Variants in NPAS3 observed in about 807,000 individuals in gnomAD.
NPAS3 encodes the protein neuronal PAS domain protein 3, also known as neuronal PAS domain-containing protein 3.
Under a neutral mutation model 73.1 loss-of-function variants are expected in NPAS3, and 14 were observed. The ratio of observed to expected loss-of-function variants is 0.19; its 90% CI spans 0.13 to 0.30. NPAS3 has a LOEUF of 0.30. Ranked by LOEUF, NPAS3 falls within the 10% of genes least tolerant of loss-of-function variation. The pLI, the probability that NPAS3 is intolerant of heterozygous loss-of-function variation, is 1.00. For synonymous variants in NPAS3, 620 were observed against 541.5 expected, an observed-to-expected ratio of 1.14 and a Z score of -2.01; for missense variants, 1,096 against 1,250.0, an observed-to-expected ratio of 0.88 and a Z score of 1.86.
chr14:33,128,890 G>A (rs2043532510), intron 2 of NPAS3, among the ~76,000 whole-genome samples: 1 of 152,122 alleles, frequency 6.6e-6, no homozygotes, highest in South Asian at 2.1e-4. Flanking sequence ...GGCTTCATGA[G>A]TGTTTTCATC....
At chr14:33,603,512 A>G (rs1209048319) in intron 5 of NPAS3, among the ~76,000 whole-genome samples, 1 of 152,178 alleles carries the variant, frequency 6.6e-6, no homozygotes, top group Non-Finnish European at 1.5e-5. Context: ...AAAAACAGGA[A>G]GAAAACCACA....
chr14:33,234,348 A>G (rs2047955805), intron 3 of NPAS3, among the ~76,000 whole-genome samples: 3 of 152,156 alleles, frequency 2.0e-5, no homozygotes, highest in African/African-American at 7.2e-5. Context: ...TAAGGGATTT[A>G]CGCATGCAAA....
At chr14:33,403,149 C>T (rs2047517931) in intron 4 of NPAS3, among the ~76,000 whole-genome samples, 1 of 152,104 alleles carries the variant, frequency 6.6e-6, no homozygotes, top group Non-Finnish European at 1.5e-5. Flanking sequence ...CATTTCCCTA[C>T]ATTTGTAACC....
At chr14:33,350,847 A>G (rs918768193) in intron 3 of NPAS3, among the ~76,000 whole-genome samples, 11 of 152,330 alleles carry the variant, frequency 7.2e-5, no homozygotes, top group African/African-American at 2.6e-4. Flanking sequence ...ACTTTCCCTT[A>G]GGACTGATTT....
At chr14:33,206,764 T>C (rs1400228452) in intron 2 of NPAS3, among the ~76,000 whole-genome samples, 1 of 152,202 alleles carries the variant, frequency 6.6e-6, no homozygotes, top group Non-Finnish European at 1.5e-5. Context: ...TATCCTTTCC[T>C]GTTATTGATA....
intron 6 of NPAS3, among the ~76,000 whole-genome samples, chr14:33,733,591 C>T (rs773176214): frequency 6.6e-6 from 1 of 152,026 alleles, no homozygotes; most frequent in Non-Finnish European, 1.5e-5. Context: ...GAAGTTTGTG[C>T]TTATATAGTG....
chr14:33,223,748 C>T (rs952138218), intron 3 of NPAS3, among the ~76,000 whole-genome samples: 3 of 152,054 alleles, frequency 2.0e-5, no homozygotes, highest in African/African-American at 7.2e-5. Flanking sequence ...TAATATTTTG[C>T]TAATATTTCT....
intron 5 of NPAS3, among the ~76,000 whole-genome samples, chr14:33,659,135 C>A (rs1270927319): frequency 6.6e-6 from 1 of 152,188 alleles, no homozygotes; most frequent in Non-Finnish European, 1.5e-5. Context: ...GGCTGCTGCC[C>A]TGAAGAAGCT....
At chr14:33,291,315 T>C (rs1031409498) in intron 3 of NPAS3, among the ~76,000 whole-genome samples, 1 of 152,182 alleles carries the variant, frequency 6.6e-6, no homozygotes, top group Non-Finnish European at 1.5e-5. Context: ...TTCTATATCA[T>C]GTTTTTAAAG....
rs142439407 is a variant in NPAS3, at chr14:33,591,561, C to T, written c.558+31351C>T. 2.0e-5 allele frequency among the ~76,000 whole-genome samples: 3 copies of T among 152,288 alleles called. No homozygotes were observed. The East Asian group carries it at 5.8e-4, about 29-fold the overall frequency. Reference sequence around the variant, plus strand: ...GCAAAGCAGAATTCCTAAAAGGTGCCTTCAACCTCAGGTAGTGTTCTAGGC... The same window carrying T: ...GCAAAGCAGAATTCCTAAAAGGTGCTTTCAACCTCAGGTAGTGTTCTAGGC... On this transcript the variant is annotated intron_variant, in intron 5 of 11. Coordinates refer to ENST00000356141, the Ensembl canonical transcript of NPAS3.
At chr14:33,556,389 T>C (rs1309802240) in intron 4 of NPAS3, among the ~76,000 whole-genome samples, 1 of 152,212 alleles carries the variant, frequency 6.6e-6, no homozygotes, top group Non-Finnish European at 1.5e-5. Flanking sequence ...GGAATCTGAA[T>C]CTGTAAATAA....
At chr14:33,458,029 A>G (rs1211832354) in intron 4 of NPAS3, among the ~76,000 whole-genome samples, 4 of 152,212 alleles carry the variant, frequency 2.6e-5, no homozygotes, top group Admixed American at 2.6e-4. Context: ...ATGACTGACA[A>G]TACTTTCAAG....
At chr14:33,600,528 G>T (rs955073753) in intron 5 of NPAS3, among the ~76,000 whole-genome samples, 1 of 152,144 alleles carries the variant, frequency 6.6e-6, no homozygotes, top group East Asian at 1.9e-4. Flanking sequence ...ATAGTATTAT[G>T]AATTGTATAA....
intron 1 of NPAS3, among the ~76,000 whole-genome samples, chr14:33,050,799 G>T (rs1294743629): frequency 1.3e-5 from 2 of 152,136 alleles, no homozygotes; most frequent in African/African-American, 4.8e-5. Context: ...CCCTACAATG[G>T]GTTTGCTAAC....
At chr14:33,644,954 A>C (rs1053230175) in intron 5 of NPAS3, among the ~76,000 whole-genome samples, 1 of 151,652 alleles carries the variant, frequency 6.6e-6, no homozygotes, top group Non-Finnish European at 1.5e-5. Flanking sequence ...GGTGGCGGGC[A>C]CCTGTAATCC....
chr14:32,988,715 A>T (rs1211677545), intron 1 of NPAS3, among the ~76,000 whole-genome samples: 4 of 152,210 alleles, frequency 2.6e-5, no homozygotes, highest in Non-Finnish European at 5.9e-5. Context: ...TTGTCCTCAC[A>T]GTCATACACT....
At chr14:33,182,713 C>T (rs946015343) in intron 2 of NPAS3, among the ~76,000 whole-genome samples, 5 of 152,116 alleles carry the variant, frequency 3.3e-5, no homozygotes, top group Non-Finnish European at 7.3e-5. Context: ...TCTGGTTCTG[C>T]CCAGCCGGTC....
intron 9 of NPAS3, among the ~76,000 whole-genome samples, chr14:33,785,677 G>C (rs2063149289): frequency 6.6e-6 from 1 of 152,118 alleles, no homozygotes; most frequent in East Asian, 1.9e-4. Context: ...TGTCTAACAT[G>C]CAACAGTTTT....
chr14:33,455,449 C>T (rs892294346), intron 4 of NPAS3, among the ~76,000 whole-genome samples: 2 of 152,112 alleles, frequency 1.3e-5, no homozygotes, highest in Admixed American at 1.3e-4. Flanking sequence ...GAGAGTGGAA[C>T]GGGGCAGTTT....
Sources: gnomAD v4.1 joint callset for allele counts (sites outside exome capture counted in the v4.1 genomes callset) on GRCh38, gnomAD v4.1.1 for gene constraint, MANE v1.5 for transcripts, NCBI Gene and HGNC (gene_info 2026-07-23, HGNC 2026-07-21) for gene names.